ARHGAP15: variants seen among roughly 807,000 people sequenced by gnomAD.
The protein encoded by ARHGAP15 is rho GTPase-activating protein 15.
In ARHGAP15, 51 loss-of-function variants were observed where a neutral mutation model predicts 63.7. The observed-to-expected ratio is 0.80, with a 90% CI of 0.64 to 1.01. The LOEUF (loss-of-function observed/expected upper bound fraction) is 1.01. Among genes scored for constraint, ARHGAP15 ranks in the 50% least tolerant of loss-of-function variants. The pLI is 0.00. For synonymous variants in ARHGAP15, 191 were observed against 193.8 expected (o/e 0.99, Z 0.12); for missense variants, 560 against 564.6 (o/e 0.99, Z 0.08).
At chr2:143,603,822 T>G (rs1043827823) in intron 11 of ARHGAP15, among the ~76,000 whole-genome samples, 1 of 152,232 alleles carries the variant, frequency 6.6e-6, no homozygotes, top group Non-Finnish European at 1.5e-5. Flanking sequence ...GTTATCCATA[T>G]TAGCAGTTAA....
intron 11 of ARHGAP15, among the ~76,000 whole-genome samples, chr2:143,597,068 C>T (rs1697546360): frequency 6.6e-6 from 1 of 151,918 alleles, no homozygotes; most frequent in South Asian, 2.1e-4. Flanking sequence ...TTAAACAGGC[C>T]TCTCCTATTC....
intron 11 of ARHGAP15, among the ~76,000 whole-genome samples, chr2:143,616,395 G>A (rs1698449969): frequency 6.6e-6 from 1 of 152,098 alleles, no homozygotes; most frequent in African/African-American, 2.4e-5. Flanking sequence ...GGATAGAGTA[G>A]AAGACCGTTC....
At chr2:143,317,398 A>T (rs1683769658) in intron 6 of ARHGAP15, among the ~76,000 whole-genome samples, 1 of 152,228 alleles carries the variant, frequency 6.6e-6, no homozygotes, top group African/African-American at 2.4e-5. Flanking sequence ...GCTTTTGAGA[A>T]ATAAATACAT....
At chr2:143,282,589 CCAA>C (rs1457817822) in intron 6 of ARHGAP15, among the ~76,000 whole-genome samples, 10 of 151,404 alleles carry the variant, frequency 6.6e-5, no homozygotes, top group African/African-American at 2.4e-4. Context: ...TGTTTCCCCA[CCAA>C]CAACATGTGG....
At chr2:143,260,383 C>T (rs1444494432) in intron 6 of ARHGAP15, among the ~76,000 whole-genome samples, 2 of 152,044 alleles carry the variant, frequency 1.3e-5, no homozygotes, top group South Asian at 2.1e-4. Flanking sequence ...AAAACCTTGA[C>T]CCTTTAAATG....
At chr2:143,761,220 A>T (rs199504523) in intron 13 of ARHGAP15, among the ~76,000 whole-genome samples, 1 of 152,194 alleles carries the variant, frequency 6.6e-6, no homozygotes, top group African/African-American at 2.4e-5. Flanking sequence ...TCTATTTTTA[A>T]CAGCCTCTCT....
At chr2:143,490,355 G>A (rs1256921906) in intron 9 of ARHGAP15, among the ~76,000 whole-genome samples, 1 of 152,150 alleles carries the variant, frequency 6.6e-6, no homozygotes, top group Non-Finnish European at 1.5e-5. Flanking sequence ...GTAGGTTGAG[G>A]AGGCTGGGCT....
intron 1 of ARHGAP15, among the ~76,000 whole-genome samples, chr2:143,131,732 T>TC (rs1376104335): frequency 1.3e-5 from 2 of 152,030 alleles, no homozygotes; most frequent in African/African-American, 4.8e-5. Context: ...CCTCCCTTTC[T>TC]CCCCCCAGTG....
chr2:143,392,515 G>T (rs1326880475), intron 6 of ARHGAP15, among the ~76,000 whole-genome samples: 1 of 152,120 alleles, frequency 6.6e-6, no homozygotes, highest in East Asian at 1.9e-4. Flanking sequence ...CAAGTAATGA[G>T]TGTATCTCCA....
At position 143,155,574 on chromosome 2, in the gene ARHGAP15, C is replaced by A. The variant is rs1690044276; in HGVS notation, c.84C>A (p.Ile28=). 5 of 1,608,732 alleles carry A rather than the reference C, an allele frequency of 3.1e-6. No individual in the cohort carries two copies. Among genetic ancestry groups the A allele is most frequent in the Non-Finnish European group, 3.4e-6 (4 of 1,177,826 alleles). Residue 28 remains isoleucine (I), a synonymous_variant, in exon 2 of 14, where the codon ATC becomes ATA. Coordinates refer to ENST00000295095, the MANE Select transcript of ARHGAP15 (RefSeq NM_018460.4). ...GCACAGGAGCTGTGCAAATGAGAAT[C>A]AAAAATGCCAACAGCCACCATGACA... ...RQGTGAVQMR[I]KNANSHHDRL...
chr2:143,542,690 G>GTATAATATATATGATATATATAA (rs1695133832), intron 10 of ARHGAP15, among the ~76,000 whole-genome samples: 1 of 79,358 alleles, frequency 1.3e-5, no homozygotes, highest in South Asian at 4.7e-4. Flanking sequence ...ATGATATATA[G>GTATAATATATATGATATATATAA]TATCACATAT....
chr2:143,639,151 A>G (rs1680485134), intron 12 of ARHGAP15, among the ~76,000 whole-genome samples: 1 of 152,126 alleles, frequency 6.6e-6, no homozygotes, highest in Admixed American at 6.6e-5. Flanking sequence ...CTATTTAGAA[A>G]TGAGATAATT....
intron 5 of ARHGAP15, among the ~76,000 whole-genome samples, chr2:143,240,133 G>A (rs1175765463): frequency 1.3e-5 from 2 of 150,212 alleles, no homozygotes; most frequent in African/African-American, 2.4e-5. Context: ...CTATGATTAA[G>A]TCACTGCACT....
intron 11 of ARHGAP15, among the ~76,000 whole-genome samples, chr2:143,580,684 A>T (rs1249272199): frequency 6.6e-6 from 1 of 152,064 alleles, no homozygotes; most frequent in Non-Finnish European, 1.5e-5. Flanking sequence ...TAATATTTTA[A>T]TACTTTAAAA....
At chr2:143,241,434 T>C (rs1693856493) in intron 5 of ARHGAP15, among the ~76,000 whole-genome samples, 1 of 152,224 alleles carries the variant, frequency 6.6e-6, no homozygotes, top group African/African-American at 2.4e-5. Flanking sequence ...ACATAATAAA[T>C]CTTAATTGTA....
chr2:143,353,905 G>T (rs531162471), intron 6 of ARHGAP15, among the ~76,000 whole-genome samples: 6 of 152,052 alleles, frequency 3.9e-5, no homozygotes, highest in Non-Finnish European at 7.4e-5. Flanking sequence ...TATCATTGAA[G>T]TTTGTTGCCC....
chr2:143,135,122 G>C (rs570166415), intron 1 of ARHGAP15, among the ~76,000 whole-genome samples: 1 of 152,310 alleles, frequency 6.6e-6, no homozygotes, highest in South Asian at 2.1e-4. Flanking sequence ...AAACAGAAGA[G>C]AGAGCACTTT....
chr2:143,479,905 T>C (rs948116544), intron 8 of ARHGAP15, among the ~76,000 whole-genome samples: 1 of 151,860 alleles, frequency 6.6e-6, no homozygotes, highest in Non-Finnish European at 1.5e-5. Flanking sequence ...CTCTGGCTTA[T>C]AAAAGGAAAC....
At position 143,263,430 on chromosome 2, in the gene ARHGAP15, G is replaced by A. The variant is rs1483165853; in HGVS notation, c.474+12830G>A. 3.3e-5 allele frequency among the ~76,000 whole-genome samples: 5 copies of A among 152,196 alleles called. No individual in the cohort carries two copies. In the South Asian group the frequency reaches 6.2e-4, roughly 19 times the overall value. On this transcript the variant is annotated intron_variant, in intron 6 of 13. Transcript: ENST00000295095. ...CACCTGGTTTGTCCTGAAGGGGTCA[G>A]TATCTGCCTCTGCTGCTGGAAGATC...
Sources: allele counts gnomAD v4.1 joint callset (sites outside exome capture counted in the v4.1 genomes callset), GRCh38; gene constraint gnomAD v4.1.1; transcripts MANE v1.5; gene names NCBI Gene and HGNC (gene_info 2026-07-23, HGNC 2026-07-21).